The following CNTN4 variants were observed in gnomAD, a reference collection of about 807,000 sequenced individuals.
CNTN4 encodes the protein contactin 4.
A neutral mutation model predicts 122.5 loss-of-function variants in CNTN4; 77 were observed. The observed-to-expected ratio is 0.63, with a 90% CI of 0.52 to 0.76. The LOEUF is 0.76. CNTN4 is among the 30% of genes least tolerant of loss of function. The pLI, the probability that CNTN4 is intolerant of heterozygous loss-of-function variation, is 0.00. For missense variants in CNTN4, 1,256 were observed against 1,259.1 expected (o/e 1.00, Z 0.04); for synonymous variants, 512 against 447.0 (o/e 1.15, Z -1.83).
chr3:2,660,591 A>T (rs529518710), intron 4 of CNTN4, among the ~76,000 whole-genome samples: 1 of 152,374 alleles, frequency 6.6e-6, no homozygotes, highest in Admixed American at 6.5e-5. Context: ...AAATTAAAAA[A>T]GAGAATTTAA....
rs148750255 is a variant in CNTN4 at position 2,178,217 on chromosome 3, T to C, written c.-145+77578T>C. Among the ~76,000 whole-genome samples, 349 of 152,244 alleles carry C rather than the reference T, an allele frequency of 2.3e-3. 3 individuals are homozygous for C. Among genetic ancestry groups the C allele is most frequent in the African/African-American group, 8.1e-3 (338 of 41,558 alleles). On this transcript the variant is annotated intron_variant, in intron 2 of 24. Transcript: ENST00000418658. ...TCAAGGGCCAGAGCTGTAACACATATGTCTTTGAATTAATATATAATTCAT... is the reference window on the plus strand; with the variant it reads ...TCAAGGGCCAGAGCTGTAACACATACGTCTTTGAATTAATATATAATTCAT...
At chr3:2,511,158 C>A (rs2076875307) in intron 3 of CNTN4, among the ~76,000 whole-genome samples, 1 of 152,280 alleles carries the variant, frequency 6.6e-6, no homozygotes, top group African/African-American at 2.4e-5. Flanking sequence ...AATCATAGGG[C>A]AAACCCACCC....
chr3:2,208,102 A>G (rs1276610540), intron 2 of CNTN4, among the ~76,000 whole-genome samples: 2 of 152,266 alleles, frequency 1.3e-5, no homozygotes, highest in East Asian at 3.9e-4. Flanking sequence ...CTAATTATTT[A>G]AGATATATAC....
At chr3:2,872,000 G>T (rs2093790477) in intron 8 of CNTN4, among the ~76,000 whole-genome samples, 1 of 152,100 alleles carries the variant, frequency 6.6e-6, no homozygotes, top group Admixed American at 6.6e-5. Flanking sequence ...GAGGGAGAAA[G>T]TATAATTGGG....
In CNTN4 at chr3:3,037,553, G is replaced by T. The variant is rs991588956; in HGVS notation, c.2092+225G>T. The T allele has an allele frequency of 5.2e-6, 3 of 575,042 alleles. No homozygotes were observed. The African/African-American group carries it at 5.6e-5, about 11-fold the overall frequency. 35.6% of individuals were successfully genotyped at this position (575,042 alleles called of 1,614,324 possible). On this transcript the variant is annotated intron_variant, in intron 18 of 24. Transcript: ENST00000418658. ...TTCATTAGGTCCACTTGTACAGCAA[G>T]AGACACACGGTGCTTAGTCCTCTCA...
intron 2 of CNTN4, among the ~76,000 whole-genome samples, chr3:2,186,506 A>C (rs1474485294): frequency 6.6e-6 from 1 of 152,210 alleles, no homozygotes; most frequent in South Asian, 2.1e-4. Flanking sequence ...GAATTGCCAC[A>C]CTGTCTTCCA....
intron 7 of CNTN4, among the ~76,000 whole-genome samples, chr3:2,830,304 A>ATGTTTGATCC (rs1479843757): frequency 1.3e-5 from 2 of 152,242 alleles, no homozygotes; most frequent in Non-Finnish European, 2.9e-5. Flanking sequence ...TCCAAAAAAA[A>ATGTTTGATCC]TTAAAAAGAT....
intron 3 of CNTN4, among the ~76,000 whole-genome samples, chr3:2,495,188 C>G (rs530856608): frequency 6.9e-4 from 105 of 152,194 alleles, no homozygotes; most frequent in African/African-American, 2.4e-3. Context: ...AAATGACAGG[C>G]CTTCAAGTTC....
At chr3:2,935,713 T>C (rs893684517) in intron 13 of CNTN4, among the ~76,000 whole-genome samples, 6 of 152,340 alleles carry the variant, frequency 3.9e-5, no homozygotes, top group Non-Finnish European at 7.3e-5. Flanking sequence ...GTTATAAACT[T>C]CATATTTACA....
chr3:2,846,593 G>T (rs531184928), intron 7 of CNTN4, among the ~76,000 whole-genome samples: 5 of 152,248 alleles, frequency 3.3e-5, no homozygotes, highest in Admixed American at 3.3e-4. Flanking sequence ...GCCTCTTTAT[G>T]TTGGACTAAA....
Position 2,786,492 on chromosome 3 carries a change from G to A in CNTN4, c.359-32994G>A, listed in dbSNP as rs112735976. On this transcript the variant is annotated intron_variant, in intron 6 of 24. Transcript: ENST00000418658. ...CAACGGGTTAAGATCTGTGGGCTGC[G>A]TAAGCAAGCTACCCCTTCACAAGTC... 7.7e-3 allele frequency among the ~76,000 whole-genome samples: 1,177 copies of A among 152,278 alleles called. 16 individuals are homozygous for A. The highest frequency in any genetic ancestry group is 0.026 in the African/African-American group (1,100 of 41,554).
chr3:2,749,328 G>GTTTTTTTTTTT (rs11381094), intron 6 of CNTN4, among the ~76,000 whole-genome samples: 4 of 135,676 alleles, frequency 2.9e-5, no homozygotes, highest in Non-Finnish European at 4.7e-5. Context: ...GCCCAGATAA[G>GTTTTTTTTTTT]TTTTTTTTTT....
intron 4 of CNTN4, among the ~76,000 whole-genome samples, chr3:2,699,595 C>A (rs1044552234): frequency 2.6e-5 from 4 of 152,160 alleles, no homozygotes; most frequent in African/African-American, 7.2e-5. Flanking sequence ...CTGCTCACTC[C>A]AAAGTGTTGT....
At chr3:2,386,302 T>C (rs1575521868) in intron 3 of CNTN4, among the ~76,000 whole-genome samples, 1 of 151,298 alleles carries the variant, frequency 6.6e-6, no homozygotes, top group Admixed American at 6.6e-5. Flanking sequence ...TTGACCTTTG[T>C]GTGACAGTAG....
At chr3:2,239,609 C>T (rs552728192) in intron 2 of CNTN4, among the ~76,000 whole-genome samples, 2 of 152,184 alleles carry the variant, frequency 1.3e-5, no homozygotes, top group South Asian at 2.1e-4. Context: ...CCTATGGTCT[C>T]TTAGGTTCCT....
At chr3:2,197,141 T>C (rs1001699242) in intron 2 of CNTN4, among the ~76,000 whole-genome samples, 3 of 152,048 alleles carry the variant, frequency 2.0e-5, no homozygotes. Flanking sequence ...CTTGAAGTTA[T>C]AGCGACTATT....
intron 2 of CNTN4, among the ~76,000 whole-genome samples, chr3:2,330,380 C>A (rs1250958066): frequency 6.6e-6 from 1 of 152,030 alleles, no homozygotes; most frequent in Non-Finnish European, 1.5e-5. Flanking sequence ...AAACCATTGG[C>A]CAGTGGTGGT....
rs370565263 is a variant in CNTN4, at chr3:3,034,581, T to G, written c.1784-51T>G. 1.5e-5 allele frequency: 23 copies of G among 1,585,700 alleles called. No homozygotes were observed. In the African/African-American group the frequency reaches 3.0e-4, roughly 20 times the overall value. On this transcript the variant is annotated intron_variant, in intron 16 of 24. Transcript: ENST00000418658. Reference sequence around the variant, plus strand: ...CCATTCAAGTATGTGGCTCCTTTACTTGGGTGTTTGAATACACTGCTCCAA... The same window carrying G: ...CCATTCAAGTATGTGGCTCCTTTACGTGGGTGTTTGAATACACTGCTCCAA...
intron 6 of CNTN4, among the ~76,000 whole-genome samples, chr3:2,753,712 T>C (rs1418104491): frequency 6.6e-6 from 1 of 152,246 alleles, no homozygotes; most frequent in Non-Finnish European, 1.5e-5. Context: ...GTTTCCTTTG[T>C]ACACAAACTT....
Sources: allele counts gnomAD v4.1 joint callset (sites outside exome capture counted in the v4.1 genomes callset), GRCh38; gene constraint gnomAD v4.1.1; transcripts MANE v1.5; gene names NCBI Gene and HGNC (gene_info 2026-07-23, HGNC 2026-07-21).